Variants in CLASRP observed in about 807,000 individuals in gnomAD.
The protein encoded by CLASRP is CLK4 associating serine/arginine rich protein.
In CLASRP, 52 loss-of-function variants were observed where a neutral mutation model predicts 99.9. That is an observed-to-expected ratio of 0.52 (90% CI 0.42 to 0.66). CLASRP has a LOEUF of 0.66. CLASRP is among the 30% of genes least tolerant of loss of function. The pLI is 0.00. For synonymous variants in CLASRP, 379 were observed against 373.0 expected (o/e 1.02, Z -0.18); for missense variants, 848 against 999.2 (o/e 0.85, Z 2.04).
At chr19:45,066,143 CAG>C (rs1233568575) in intron 13 of CLASRP, among the ~76,000 whole-genome samples, 1 of 151,642 alleles carries the variant, frequency 6.6e-6, no homozygotes, top group Non-Finnish European at 1.5e-5. Context: ...TTTTTTGAGA[CAG>C]AGTCTCACTG....
chr19:45,045,886 G>A (rs1475326228), intron 2 of CLASRP, among the ~76,000 whole-genome samples: 1 of 152,172 alleles, frequency 6.6e-6, no homozygotes, highest in Non-Finnish European at 1.5e-5. Context: ...GGATGGTGCA[G>A]AGGAAGGAAG....
At chr19:45,047,860 G>C (rs140051805) in intron 2 of CLASRP, among the ~76,000 whole-genome samples, 1 of 152,238 alleles carries the variant, frequency 6.6e-6, no homozygotes, top group Non-Finnish European at 1.5e-5. Flanking sequence ...GAGGCAGGCA[G>C]ATCACCTGAG....
chr19:45,052,004 T>G, intron 2 of CLASRP, 67 bp from the exon 3 acceptor site: 13 of 1,197,860 alleles, frequency 1.1e-5, no homozygotes, highest in African/African-American at 1.5e-5. Flanking sequence ...CTAAGCTCGG[T>G]TGTGTGTGAG....
chr19:45,049,977 A>C (rs1169694759), intron 2 of CLASRP, among the ~76,000 whole-genome samples: 4 of 152,162 alleles, frequency 2.6e-5, no homozygotes, highest in African/African-American at 9.7e-5. Context: ...GCTGGGGTAG[A>C]TAAGTGGGGA....
chr19:45,051,539 C>A (rs1265730248), intron 2 of CLASRP, among the ~76,000 whole-genome samples: 1 of 152,096 alleles, frequency 6.6e-6, no homozygotes, highest in African/African-American at 2.4e-5. Context: ...CTCCTGACTT[C>A]AGATGACCTG....
intron 2 of CLASRP, among the ~76,000 whole-genome samples, chr19:45,042,188 A>C (rs1971825263): frequency 6.6e-6 from 1 of 152,160 alleles, no homozygotes; most frequent in Admixed American, 6.6e-5. Flanking sequence ...CTAAAAATAC[A>C]GAAATTAGCT....
At chr19:45,068,171 AGGGAG>A in intron 15 of CLASRP, 117 bp downstream of exon 15, 1 of 854,264 alleles carries the variant, frequency 1.2e-6, no homozygotes, top group Non-Finnish European at 2.0e-6. Flanking sequence ...CCCCAGGGAC[AGGGAG>A]GGGAGGGGAA....
chr19:45,057,637 G>A, intron 6 of CLASRP, 113 bp from the exon 7 acceptor site: 1 of 1,252,770 alleles, frequency 8.0e-7, no homozygotes, highest in East Asian at 2.3e-5. Flanking sequence ...GTCCTAGGCT[G>A]AGGGAGAGCC....
chr19:45,063,434 A>ATTTTT (rs1600110419), intron 11 of CLASRP, among the ~76,000 whole-genome samples: 3 of 54,956 alleles, frequency 5.5e-5, no homozygotes, highest in Non-Finnish European at 1.2e-4. Context: ...AGATCTGCTT[A>ATTTTT]TCTTTTTTTT....
Position 45,064,072 on chromosome 19 carries a change from C to T in CLASRP, c.966C>T (p.Arg322=). 6.2e-7 allele frequency: 1 copy of T among 1,610,438 alleles called. No homozygotes were observed. Among genetic ancestry groups the T allele is most frequent in the Non-Finnish European group, 8.5e-7 (1 of 1,178,980 alleles). The change falls in exon 12 of 21, where the codon CGC becomes CGT. Residue 322 remains arginine, a synonymous_variant. Transcript: ENST00000221455. The stretch of plus-strand genomic sequence containing the variant: ...GCTCCCGCTCCCCGACCCCGGGCCG[C>T]GAGGAGAAGATCACGTTCATCACCA... ...RSRSRSPTPG[R]EEKITFITSF...
At chr19:45,040,723 G>A (rs1038924173) in intron 2 of CLASRP, 5 of 167,484 alleles carry the variant, frequency 3.0e-5, no homozygotes, top group Admixed American at 5.8e-5. Flanking sequence ...AGTGGCTCAC[G>A]CCTGTAATCC....
rs1221153008 is a variant in CLASRP at position 45,069,234 on chromosome 19, C to A, written c.1860C>A (p.Arg620=). The A allele has an allele frequency of 3.1e-6, 5 of 1,613,592 alleles. No homozygotes were observed. In the Admixed American group the frequency reaches 6.7e-5, roughly 22 times the overall value. The change falls in exon 18 of 21, where the codon CGC becomes CGA. Residue 620 remains arginine, a synonymous_variant. Transcript: ENST00000221455. The part of the protein sequence containing the change: ...EREDELRAMA[R]KIRMKERERR... ...AAGACGAGCTTCGAGCCATGGCCCGCAAGATCCGCATGAAGTAAGACCTTG... is the reference window on the plus strand; with the variant it reads ...AAGACGAGCTTCGAGCCATGGCCCGAAAGATCCGCATGAAGTAAGACCTTG...
rs780969599 is a variant in CLASRP, at chr19:45,064,144, A to G, written c.1038A>G (p.Ala346=). 6.2e-7 allele frequency: 1 copy of G among 1,611,268 alleles called. No homozygotes were observed. The highest frequency in any genetic ancestry group is 8.5e-7 in the Non-Finnish European group (1 of 1,179,396). The stretch of plus-strand genomic sequence containing the variant: ...AGGCAGCCGCAGCCGCTGCTGCCGC[A>G]GCAGCATCAGGAGTCACCACAGGGA... The part of the protein sequence containing the change: ...DEEAAAAAAA[A]AASGVTTGKP... Residue 346 remains alanine (A), a synonymous_variant, in exon 12 of 21, where the codon GCA becomes GCG. Transcript: ENST00000221455.
At chr19:45,066,117 T>G (rs956480951) in intron 13 of CLASRP, among the ~76,000 whole-genome samples, 10 of 151,936 alleles carry the variant, frequency 6.6e-5, no homozygotes, top group African/African-American at 2.4e-4. Context: ...GGATAGCTCT[T>G]GTTTCCTTTA....
In CLASRP at chr19:45,060,423, A is replaced by G; in HGVS notation, c.745A>G (p.Ile249Val). The G allele has an allele frequency of 6.2e-7, 1 of 1,614,170 alleles. No homozygotes were observed. The highest frequency in any genetic ancestry group is 8.5e-7 in the Non-Finnish European group (1 of 1,180,024). Residue 249 changes from isoleucine (I) to valine (V), a missense_variant, in exon 9 of 21, where the codon ATC becomes GTC. This residue lies in a region of CLASRP where 119 missense variants were observed against 170.2 expected (regional missense o/e 0.70). Transcript: ENST00000221455. The surrounding 1 kb of genome is among the most constrained non-coding windows in gnomAD (Gnocchi z 4.6). ...GAAAGACAAGGAGGAGGCAGAGGCC[A>G]TCAAGCATGCCAAGGCTCTTGAGGA... ...LRKDKEEAEA[I>V]KHAKALEEEK... is the part of the protein sequence containing the mutation.
intron 5 of CLASRP, 64 bp from the exon 6 acceptor site, chr19:45,056,386 G>T: frequency 6.8e-7 from 1 of 1,463,520 alleles, no homozygotes; most frequent in Non-Finnish European, 9.6e-7. Flanking sequence ...GCACCCTTGT[G>T]TTCCCCCACT....
At chr19:45,068,989 CAA>C (rs376538298) in intron 16 of CLASRP, 75 bp from the exon 17 acceptor site, 13,944 of 1,025,012 alleles carry the variant, frequency 0.014, no homozygotes, top group Non-Finnish European at 0.015. Context: ...GACTCTGTCT[CAA>C]AAAAAAAAAA....
At chr19:45,066,749 G>C (rs1268591898) in intron 13 of CLASRP, among the ~76,000 whole-genome samples, 1 of 152,018 alleles carries the variant, frequency 6.6e-6, no homozygotes, top group Non-Finnish European at 1.5e-5. Context: ...TTGGGGGACA[G>C]GTGGGACCTG....
At chr19:45,050,041 C>T (rs765898989) in intron 2 of CLASRP, among the ~76,000 whole-genome samples, 1 of 151,882 alleles carries the variant, frequency 6.6e-6, no homozygotes, top group Admixed American at 6.6e-5. Flanking sequence ...CTGAAATAAG[C>T]GGGGGAGCAG....
Sources: allele counts gnomAD v4.1 joint callset (sites outside exome capture counted in the v4.1 genomes callset), GRCh38; gene constraint gnomAD v4.1.1; regional missense constraint gnomAD v4.1.1; non-coding constraint Gnocchi (gnomAD v3.1); transcripts MANE v1.5; gene names NCBI Gene and HGNC (gene_info 2026-07-23, HGNC 2026-07-21).